The following FOXP1 variants were observed in gnomAD, a reference collection of about 807,000 sequenced individuals.
FOXP1 encodes forkhead box P1.
FOXP1 carries 15 observed loss-of-function variants against 98.2 expected under a neutral mutation model. The ratio of observed to expected loss-of-function variants is 0.15; its 90% CI spans 0.10 to 0.24. FOXP1 has a LOEUF of 0.24. FOXP1 is among the 10% of genes least tolerant of loss of function. FOXP1 has a pLI of 1.00. For synonymous variants in FOXP1, 371 were observed against 314.5 expected (o/e 1.18, Z -1.90); for missense variants, 633 against 848.5 (o/e 0.75, Z 3.15).
intron 14 of FOXP1, among the ~76,000 whole-genome samples, chr3:70,984,900 A>G (rs1377770723): frequency 6.6e-6 from 1 of 152,166 alleles, no homozygotes; most frequent in Non-Finnish European, 1.5e-5. Flanking sequence ...AGATCCAGAA[A>G]ATGCGTCTAT....
chr3:70,959,919 G>A (rs1323616763), intron 20 of FOXP1, among the ~76,000 whole-genome samples: 1 of 152,174 alleles, frequency 6.6e-6, no homozygotes, highest in Admixed American at 6.5e-5. Context: ...TCCCGTAGTG[G>A]CATCCTGGGT....
At chr3:70,980,798 C>G (rs1379521074) in intron 14 of FOXP1, among the ~76,000 whole-genome samples, 1 of 152,122 alleles carries the variant, frequency 6.6e-6, no homozygotes, top group Non-Finnish European at 1.5e-5. Context: ...GCCCTTGAAG[C>G]GCTTACCATC....
At chr3:70,976,049 CTTTTTTTT>C (rs10610516) in intron 17 of FOXP1, among the ~76,000 whole-genome samples, 7 of 115,722 alleles carry the variant, frequency 6.0e-5, no homozygotes, top group South Asian at 5.7e-4. Flanking sequence ...GGACAATCTC[CTTTTTTTT>C]TTTTTTTTTT....
chr3:71,354,767 T>C (rs1309691542), intron 4 of FOXP1, among the ~76,000 whole-genome samples: 1 of 152,228 alleles, frequency 6.6e-6, no homozygotes, highest in Admixed American at 6.5e-5. Flanking sequence ...ACTGTTATTC[T>C]GTTCCAGACG....
chr3:71,483,213 T>C (rs2090416431), intron 3 of FOXP1, among the ~76,000 whole-genome samples: 1 of 152,176 alleles, frequency 6.6e-6, no homozygotes. Flanking sequence ...ACCTTGAACC[T>C]CATTTTTACA....
chr3:71,167,184 T>C (rs1210134122), intron 6 of FOXP1, among the ~76,000 whole-genome samples: 1 of 152,104 alleles, frequency 6.6e-6, no homozygotes, highest in Non-Finnish European at 1.5e-5. Context: ...ATAAAGACAG[T>C]ACAGCAGAGC....
chr3:71,347,570 G>A (rs2077443769), intron 4 of FOXP1, among the ~76,000 whole-genome samples: 2 of 152,146 alleles, frequency 1.3e-5, no homozygotes, highest in Admixed American at 6.5e-5. Flanking sequence ...CAATCAACAA[G>A]ATACTGAGTT....
intron 6 of FOXP1, among the ~76,000 whole-genome samples, chr3:71,173,411 AC>A: frequency 1.3e-5 from 2 of 151,850 alleles, no homozygotes; most frequent in Admixed American, 6.6e-5. Context: ...ACACACACAC[AC>A]ACACACACAC....
At chr3:71,314,711 C>T (rs1048770241) in intron 4 of FOXP1, among the ~76,000 whole-genome samples, 1 of 151,972 alleles carries the variant, frequency 6.6e-6, no homozygotes, top group Admixed American at 6.6e-5. Context: ...GTCTCACCTA[C>T]CTCAGTGGAG....
At chr3:71,165,450 C>T (rs1193671108) in intron 6 of FOXP1, among the ~76,000 whole-genome samples, 1 of 152,088 alleles carries the variant, frequency 6.6e-6, no homozygotes, top group Non-Finnish European at 1.5e-5. Flanking sequence ...AAAGGACTAA[C>T]CAGACATTTC....
At chr3:71,397,106 A>G (rs2081581288) in intron 3 of FOXP1, among the ~76,000 whole-genome samples, 1 of 127,588 alleles carries the variant, frequency 7.8e-6, no homozygotes, top group Non-Finnish European at 1.7e-5. Flanking sequence ...ATATACATAT[A>G]TATATATGTG....
At chr3:71,157,834 C>A (rs2060900486) in intron 6 of FOXP1, among the ~76,000 whole-genome samples, 1 of 151,718 alleles carries the variant, frequency 6.6e-6, no homozygotes, top group South Asian at 2.1e-4. Flanking sequence ...TGCCTATAAT[C>A]CCAGCACTCT....
At chr3:71,087,410 T>A (rs1248139350) in intron 7 of FOXP1, among the ~76,000 whole-genome samples, 1 of 152,200 alleles carries the variant, frequency 6.6e-6, no homozygotes, top group Admixed American at 6.5e-5. Flanking sequence ...AACATATTGA[T>A]GTAAACGGCA....
In FOXP1 at chr3:70,972,137, CTGATAA is replaced by C. The variant is rs2036397429; in HGVS notation, c.1652+412_1652+417del. The C allele has an allele frequency of 5.9e-6, 9 of 1,534,082 alleles. No individual in the cohort carries two copies. The African/African-American group carries it at 1.2e-4, about 21-fold the overall frequency. On this transcript the variant is annotated intron_variant, in intron 18 of 20. Transcript: ENST00000649528. ...AAAGGACCCAAACTCATCCTCTACTCTGATAAAGCACTTATGCAGTGAGAGGTTGGT... is the reference window on the plus strand; with the variant it reads ...AAAGGACCCAAACTCATCCTCTACTCAGCACTTATGCAGTGAGAGGTTGGT...
At chr3:71,027,057 A>C (rs1027500368) in intron 11 of FOXP1, among the ~76,000 whole-genome samples, 1 of 152,244 alleles carries the variant, frequency 6.6e-6, no homozygotes, top group Non-Finnish European at 1.5e-5. Flanking sequence ...TCTCGTTAAG[A>C]AAACAGAATG....
At chr3:71,229,505 C>A (rs1366263234) in intron 5 of FOXP1, among the ~76,000 whole-genome samples, 1 of 152,000 alleles carries the variant, frequency 6.6e-6, no homozygotes, top group Non-Finnish European at 1.5e-5. Context: ...GAAGCGTAAC[C>A]CTATGGAGTG....
intron 7 of FOXP1, among the ~76,000 whole-genome samples, chr3:71,064,397 G>C (rs1280624558): frequency 6.6e-6 from 1 of 152,156 alleles, no homozygotes; most frequent in Non-Finnish European, 1.5e-5. Flanking sequence ...GTGATGGCGA[G>C]GGCTTCACCA....
intron 11 of FOXP1, among the ~76,000 whole-genome samples, chr3:71,021,329 A>G (rs2045398337): frequency 6.6e-6 from 1 of 152,178 alleles, no homozygotes; most frequent in Admixed American, 6.6e-5. Flanking sequence ...TTCACTTCCC[A>G]TAATCCTCGG....
At chr3:71,282,219 C>CA (rs2071649132) in intron 5 of FOXP1, among the ~76,000 whole-genome samples, 2 of 152,128 alleles carry the variant, frequency 1.3e-5, no homozygotes, top group South Asian at 4.1e-4. Flanking sequence ...GAGAATATTT[C>CA]AAATACAGTG....
Sources: gnomAD v4.1 joint callset for allele counts (sites outside exome capture counted in the v4.1 genomes callset) on GRCh38, gnomAD v4.1.1 for gene constraint, MANE v1.5 for transcripts, NCBI Gene and HGNC (gene_info 2026-07-23, HGNC 2026-07-21) for gene names.